The following COL5A2 variants were observed in gnomAD, a reference collection of about 807,000 sequenced individuals.
COL5A2 encodes the protein collagen type V alpha 2 chain, also known as collagen alpha-2(V) chain.
In COL5A2, 23 loss-of-function variants were observed where a neutral mutation model predicts 208.2. The ratio of observed to expected loss-of-function variants is 0.11; its 90% CI spans 0.08 to 0.16. COL5A2 has a LOEUF of 0.16. Among genes scored for constraint, COL5A2 ranks in the 10% least tolerant of loss-of-function variants. COL5A2 has a pLI of 1.00. For synonymous variants in COL5A2, 625 were observed against 628.5 expected (o/e 0.99, Z 0.08); for missense variants, 1,590 against 1,956.4 (o/e 0.81, Z 3.53).
chr2:189,054,132 T>G, intron 36 of COL5A2, 27 bp downstream of exon 36: 1 of 1,601,128 alleles, frequency 6.2e-7, no homozygotes, highest in Non-Finnish European at 8.6e-7. Flanking sequence ...TAATTTTGAG[T>G]GTACAAATTA....
intron 1 of COL5A2, among the ~76,000 whole-genome samples, chr2:189,212,710 A>G (rs1391133596): frequency 6.6e-6 from 1 of 151,514 alleles, no homozygotes; most frequent in Non-Finnish European, 1.5e-5. Flanking sequence ...CACTGATAGG[A>G]GCGAAAGAAA....
At chr2:189,131,695 T>C (rs1038395061) in intron 1 of COL5A2, among the ~76,000 whole-genome samples, 2 of 152,150 alleles carry the variant, frequency 1.3e-5, no homozygotes, top group Admixed American at 1.3e-4. Context: ...GGAAAACACA[T>C]TGATGGTACC....
chr2:189,417,308 T>C, the COL5A2 span, among the ~76,000 whole-genome samples: 1 of 152,190 alleles, frequency 6.6e-6, no homozygotes, highest in South Asian at 2.1e-4. Context: ...CTACCAACTT[T>C]GTCATATATA....
At chr2:189,349,014 G>A in the COL5A2 span, among the ~76,000 whole-genome samples, 1 of 152,024 alleles carries the variant, frequency 6.6e-6, no homozygotes, top group African/African-American at 2.4e-5. Flanking sequence ...TTTTTTCAAA[G>A]CTGTATAACA....
the COL5A2 span, among the ~76,000 whole-genome samples, chr2:189,247,493 G>A: frequency 3.8e-4 from 58 of 151,918 alleles, no homozygotes; most frequent in Middle Eastern, 3.4e-3. Context: ...TTCCCCTGGG[G>A]CACTCTTATT....
the COL5A2 span, among the ~76,000 whole-genome samples, chr2:189,321,170 T>C: frequency 6.6e-6 from 1 of 152,152 alleles, no homozygotes; most frequent in African/African-American, 2.4e-5. Flanking sequence ...AAGGAAGCAC[T>C]AAACATGGAG....
At chr2:189,196,830 C>T (rs1689007569) in intron 1 of COL5A2, among the ~76,000 whole-genome samples, 2 of 152,066 alleles carry the variant, frequency 1.3e-5, no homozygotes, top group Admixed American at 6.5e-5. Context: ...TAAATAGGAA[C>T]ACTTTTACAC....
the COL5A2 span, among the ~76,000 whole-genome samples, chr2:189,337,188 T>C: frequency 9.8e-4 from 128 of 131,212 alleles, no homozygotes; most frequent in African/African-American, 3.2e-3. Flanking sequence ...TTTTTTTTTC[T>C]TTTTTTTTTT....
the COL5A2 span, among the ~76,000 whole-genome samples, chr2:189,366,957 G>C: frequency 1.3e-5 from 2 of 152,100 alleles, no homozygotes; most frequent in Non-Finnish European, 2.9e-5. Context: ...TCCTCCACCA[G>C]AAACTCTCCC....
At chr2:189,157,124 C>CGATA (rs1559129321) in intron 1 of COL5A2, among the ~76,000 whole-genome samples, 10 of 85,900 alleles carry the variant, frequency 1.2e-4, no homozygotes, top group African/African-American at 3.1e-4. Context: ...ATCGATATAT[C>CGATA]TATCTATATA....
At chr2:189,059,585 G>GTTTTTTTTTTGTTTTTTTTTTTTTTTT (rs1685979315) in intron 31 of COL5A2, among the ~76,000 whole-genome samples, 1 of 28,594 alleles carries the variant, frequency 3.5e-5, no homozygotes. Flanking sequence ...TTCTTTTCTG[G>GTTTTTTTTTTGTTTTTTTTTTTTTTTT]TTTTTTTTTT....
At chr2:189,336,932 A>G in the COL5A2 span, among the ~76,000 whole-genome samples, 1 of 152,240 alleles carries the variant, frequency 6.6e-6, no homozygotes, top group Non-Finnish European at 1.5e-5. Flanking sequence ...GACTCCACTA[A>G]ATATCAAAGA....
At chr2:189,200,260 C>G (rs577030583) in intron 1 of COL5A2, among the ~76,000 whole-genome samples, 75 of 152,070 alleles carry the variant, frequency 4.9e-4, no homozygotes, top group Non-Finnish European at 8.7e-4. Flanking sequence ...AATAGGGAGG[C>G]AGAAAGAAGC....
At chr2:189,064,739 T>C (rs1172607603) in intron 24 of COL5A2, 84 bp from the exon 25 acceptor site, 2 of 1,034,996 alleles carry the variant, frequency 1.9e-6, no homozygotes, top group Non-Finnish European at 3.0e-6. Flanking sequence ...GTTTTACAAA[T>C]CAAGGCACTA....
At chr2:189,279,119 T>C in the COL5A2 span, among the ~76,000 whole-genome samples, 1 of 151,960 alleles carries the variant, frequency 6.6e-6, no homozygotes, top group South Asian at 2.1e-4. Flanking sequence ...ATTTTAATTT[T>C]ATATTTTAAA....
chr2:189,112,793 A>G (rs1181148706), intron 1 of COL5A2, among the ~76,000 whole-genome samples: 1 of 152,200 alleles, frequency 6.6e-6, no homozygotes, highest in Non-Finnish European at 1.5e-5. Flanking sequence ...ATTATTTTGA[A>G]AAAATGAGAA....
chr2:189,280,413 T>C, the COL5A2 span, among the ~76,000 whole-genome samples: 3 of 152,204 alleles, frequency 2.0e-5, no homozygotes, highest in Admixed American at 2.0e-4. Flanking sequence ...TAGGTGCTTC[T>C]ACTTCCTACT....
At chr2:189,264,009 G>A in the COL5A2 span, among the ~76,000 whole-genome samples, 1 of 152,064 alleles carries the variant, frequency 6.6e-6, no homozygotes, top group Non-Finnish European at 1.5e-5. Flanking sequence ...ACAAAGATAA[G>A]TTTTAAATTA....
At chr2:189,251,229 T>A in the COL5A2 span, among the ~76,000 whole-genome samples, 2 of 152,178 alleles carry the variant, frequency 1.3e-5, no homozygotes, top group East Asian at 1.9e-4. Flanking sequence ...AATAAAAAGA[T>A]CAAAACTGAT....
Sources: allele counts gnomAD v4.1 joint callset (sites outside exome capture counted in the v4.1 genomes callset), GRCh38; gene constraint gnomAD v4.1.1; transcripts MANE v1.5; gene names NCBI Gene and HGNC (gene_info 2026-07-23, HGNC 2026-07-21).